Variants in NFATC1 observed in about 807,000 individuals in gnomAD.
NFATC1 encodes nuclear factor of activated T-cells, cytoplasmic 1.
A neutral mutation model predicts 76.0 loss-of-function variants in NFATC1; 22 were observed. The observed-to-expected ratio is 0.29, with a 90% confidence interval of 0.21 to 0.41. The LOEUF (loss-of-function observed/expected upper bound fraction) is 0.41. Ranked by LOEUF, NFATC1 falls within the 10% of genes least tolerant of loss-of-function variation. The pLI is 1.00. For synonymous variants in NFATC1, 704 were observed against 613.1 expected (o/e 1.15, Z -2.19); for missense variants, 1,357 against 1,337.7 (o/e 1.01, Z -0.23).
chr18:79,436,412 C>T (rs999207701), intron 3 of NFATC1, among the ~76,000 whole-genome samples: 3 of 152,188 alleles, frequency 2.0e-5, no homozygotes, highest in African/African-American at 4.8e-5. Flanking sequence ...AATTAAAGCC[C>T]GCTGTCTCCT....
chr18:79,457,235 G>T (rs938825202), intron 6 of NFATC1, among the ~76,000 whole-genome samples: 3 of 152,130 alleles, frequency 2.0e-5, no homozygotes, highest in Non-Finnish European at 2.9e-5. Context: ...GGAGGGCAGC[G>T]CCCGGGGAAG....
At chr18:79,486,995 T>C (rs2145065994) in intron 9 of NFATC1, 58 bp downstream of exon 9, 3 of 1,520,400 alleles carry the variant, frequency 2.0e-6, no homozygotes, top group Non-Finnish European at 8.9e-7. Context: ...CGTGAGCTCA[T>C]GGAGGGGCCG....
At chr18:79,470,069 C>A in intron 8 of NFATC1, 2 of 955,658 alleles carry the variant, frequency 2.1e-6, no homozygotes, top group Non-Finnish European at 1.2e-6. Flanking sequence ...GCCTCTGCAA[C>A]CCCGGCTGGG....
intron 9 of NFATC1, among the ~76,000 whole-genome samples, chr18:79,517,017 C>T (rs189889373): frequency 4.6e-5 from 7 of 152,306 alleles, no homozygotes; most frequent in South Asian, 2.1e-4. Flanking sequence ...TTGTAATGAA[C>T]GCCACAGCCA....
At chr18:79,433,103 T>C (rs948428877) in intron 2 of NFATC1, among the ~76,000 whole-genome samples, 2 of 152,160 alleles carry the variant, frequency 1.3e-5, no homozygotes, top group African/African-American at 4.8e-5. Flanking sequence ...ATCATGGAAT[T>C]TGGGGGCTGG....
At chr18:79,424,667 A>C (rs59725651) in intron 2 of NFATC1, among the ~76,000 whole-genome samples, 71 of 113,546 alleles carry the variant, frequency 6.3e-4, no homozygotes, top group East Asian at 2.0e-3. Flanking sequence ...CTGTCTCTCC[A>C]TCTCTGTCTC....
intron 2 of NFATC1, among the ~76,000 whole-genome samples, chr18:79,418,242 CTG>C (rs1416936092): frequency 6.6e-6 from 1 of 152,170 alleles, no homozygotes; most frequent in East Asian, 1.9e-4. Flanking sequence ...TTGCGACGCT[CTG>C]TGGTAGGGAG....
At chr18:79,518,247 C>G (rs1032726787) in intron 9 of NFATC1, among the ~76,000 whole-genome samples, 1 of 152,192 alleles carries the variant, frequency 6.6e-6, no homozygotes, top group Non-Finnish European at 1.5e-5. Context: ...CTTTCCCGGT[C>G]GACATTCATG....
intron 1 of NFATC1, chr18:79,400,266 G>GGCGGGA: frequency 1.7e-6 from 2 of 1,182,748 alleles, no homozygotes; most frequent in South Asian, 3.4e-5. Flanking sequence ...GGGGGGCGGG[G>GGCGGGA]GCGGGGCGGG....
rs747186109 is a variant in NFATC1, at chr18:79,467,456, C to T, written c.1966C>T (p.Leu656=). The change falls in exon 8 of 10, where the codon CTG becomes TTG. Residue 656 remains leucine, a synonymous_variant. Transcript: ENST00000427363. ...TDRDLCKPNS[L]VVEIPPFRNQ... ...GTGTGCCCTTCTCCTGTAGAATTCT[C>T]TGGTGGTTGAGATCCCGCCATTTCG... The T allele has an allele frequency of 1.9e-6, 3 of 1,600,592 alleles. No individual in the cohort carries two copies. The highest frequency in any genetic ancestry group is 1.3e-5 in the African/African-American group (1 of 74,406).
At chr18:79,419,588 A>G (rs1463918050) in intron 2 of NFATC1, among the ~76,000 whole-genome samples, 1 of 152,186 alleles carries the variant, frequency 6.6e-6, no homozygotes, top group African/African-American at 2.4e-5. Flanking sequence ...TGGTTAGCTC[A>G]GATGCCCCCG....
intron 8 of NFATC1, among the ~76,000 whole-genome samples, chr18:79,480,969 C>G (rs939213435): frequency 2.0e-5 from 3 of 152,250 alleles, no homozygotes; most frequent in African/African-American, 7.2e-5. Flanking sequence ...CTGAAAATTA[C>G]CAGCCTAATT....
At position 79,410,227 on chromosome 18, in the gene NFATC1, G is replaced by A. The variant is rs188936977; in HGVS notation, c.128-176G>A. The A allele has an allele frequency of 1.4e-4, 145 of 1,027,830 alleles. No homozygotes were observed. The highest frequency in any genetic ancestry group is 1.9e-4 in the Non-Finnish European group (134 of 689,660). 63.7% of individuals were successfully genotyped at this position (1,027,830 alleles called of 1,614,324 possible). On this transcript the variant is annotated intron_variant, in intron 1 of 9. Transcript: ENST00000427363. The surrounding 1 kb of genome is among the most constrained non-coding windows in gnomAD (Gnocchi z 6.7). The stretch of plus-strand genomic sequence containing the variant: ...TTGTTGGCCAGGTGGGACTGGGGCT[G>A]TCACTCCAAGTCGCCCGGAGCTGTC...
Position 79,411,278 on chromosome 18 carries a change from T to G in NFATC1, c.1003T>G (p.Ser335Ala). Residue 335 changes from serine (S) to alanine (A), a missense_variant, in exon 2 of 10, where the codon TCC (serine) becomes GCC (alanine). Physicochemically the swap from Ser to Ala is moderately conservative, Grantham distance 99 (BLOSUM62 1). This residue lies in a region of NFATC1 where 691 missense variants were observed against 613.1 expected (regional missense o/e 1.13). Coordinates refer to ENST00000427363, the MANE Select transcript of NFATC1 (RefSeq NM_001278669.2). ...LDLGDGVPVK[S>A]RKTTLEQPPS... Reference sequence around the variant, plus strand: ...CCTGGGAGATGGCGTCCCTGTCAAGTCCCGCAAGACCACCCTGGAGCAGCC... The same window carrying G: ...CCTGGGAGATGGCGTCCCTGTCAAGGCCCGCAAGACCACCCTGGAGCAGCC... The G allele has an allele frequency of 6.2e-7, 1 of 1,603,182 alleles. No homozygotes were observed. The highest frequency in any genetic ancestry group is 8.5e-7 in the Non-Finnish European group (1 of 1,179,630).
chr18:79,458,660 A>C (rs1158561517), intron 6 of NFATC1, among the ~76,000 whole-genome samples: 2 of 152,248 alleles, frequency 1.3e-5, no homozygotes, highest in African/African-American at 4.8e-5. Context: ...CGGAGCTCTG[A>C]TAAGGCTGAA....
chr18:79,470,222 G>GGA (rs1475317426), intron 8 of NFATC1: 1 of 157,672 alleles, frequency 6.3e-6, no homozygotes, highest in Non-Finnish European at 1.4e-5. Context: ...GGTGGAGGCA[G>GGA]GACGGGTGGG....
rs1457943686 is a variant in NFATC1, at chr18:79,528,228, G to T, written c.*651G>T. The stretch of plus-strand genomic sequence containing the variant: ...TTCCCTTGTCTGCGCGGTTGAAACC[G>T]TAGGCTTGTTCATAGTCGCATGCTC... On this transcript the variant is annotated 3_prime_UTR_variant, in exon 10 of 10. Coordinates refer to ENST00000427363, the MANE Select transcript of NFATC1 (RefSeq NM_001278669.2). 1 of 316,180 alleles carries T rather than the reference G, an allele frequency of 3.2e-6. No individual in the cohort carries two copies. The highest frequency in any genetic ancestry group is 5.7e-6 in the Non-Finnish European group (1 of 174,244). 19.6% of individuals were successfully genotyped at this position (316,180 alleles called of 1,614,324 possible). A position where few individuals can be genotyped will look rare whatever the true frequency, so the allele number is the denominator to read the frequency against.
chr18:79,396,184 T>C lies in NFATC1; in HGVS notation c.-41T>C. 1 of 1,426,792 alleles carries C rather than the reference T, an allele frequency of 7.0e-7. No homozygotes were observed. The highest frequency in any genetic ancestry group is 2.4e-5 in the Admixed American group (1 of 42,424). The allele number at this position is 1,426,792 out of a possible 1,614,324, so 88.4% of individuals were successfully genotyped here. On this transcript the variant is annotated 5_prime_UTR_variant, in exon 1 of 10. Transcript: ENST00000427363. Reference sequence around the variant, plus strand: ...CAGCGCGGGGCGGCCGCTTCTCCTGTGCCTCCGCCCGCCGCTCCACTCCCC... The same window carrying C: ...CAGCGCGGGGCGGCCGCTTCTCCTGCGCCTCCGCCCGCCGCTCCACTCCCC...
intron 3 of NFATC1, among the ~76,000 whole-genome samples, chr18:79,435,570 C>A (rs1474843060): frequency 1.3e-5 from 2 of 152,068 alleles, no homozygotes; most frequent in African/African-American, 4.8e-5. Flanking sequence ...TCTCTGCGGA[C>A]ACAGCTCAGT....
Sources: allele counts gnomAD v4.1 joint callset (sites outside exome capture counted in the v4.1 genomes callset), GRCh38; gene constraint gnomAD v4.1.1; regional missense constraint gnomAD v4.1.1; non-coding constraint Gnocchi (gnomAD v3.1); transcripts MANE v1.5; gene names NCBI Gene and HGNC (gene_info 2026-07-23, HGNC 2026-07-21).